Variants in CNIH3 observed in about 807,000 individuals in gnomAD.
CNIH3 encodes the protein protein cornichon homolog 3.
A neutral mutation model predicts 24.1 loss-of-function variants in CNIH3; 14 were observed. That is an observed-to-expected ratio of 0.58 (90% CI 0.38 to 0.91). CNIH3 has a LOEUF of 0.91. Ranked by LOEUF, CNIH3 falls within the 40% of genes least tolerant of loss-of-function variation. CNIH3 has a pLI of 0.00. For synonymous variants in CNIH3, 68 were observed against 73.8 expected (o/e 0.92, Z 0.40); for missense variants, 178 against 196.8 (o/e 0.90, Z 0.57).
intron 3 of CNIH3, among the ~76,000 whole-genome samples, chr1:224,691,128 C>T (rs1422097707): frequency 1.3e-5 from 2 of 152,172 alleles, no homozygotes; most frequent in African/African-American, 4.8e-5. Flanking sequence ...GCTTCCTTAC[C>T]CTCCCCTCTC....
intron 3 of CNIH3, among the ~76,000 whole-genome samples, chr1:224,551,620 A>G (rs10916635): frequency 0.17 from 26,010 of 152,060 alleles, 2,410 homozygotes; most frequent in South Asian, 0.36. Context: ...GTGTGTAAAC[A>G]CTAGATATTA....
chr1:224,483,450 G>A lies in CNIH3; in HGVS notation n.204-32291G>A, dbSNP rs118132672. Among the ~76,000 whole-genome samples, 193 of 151,502 alleles carry A rather than the reference G, an allele frequency of 1.3e-3. 3 individuals are homozygous for A. The East Asian group carries it at 0.028, about 22-fold the overall frequency. On this transcript the variant is annotated intron_variant and non_coding_transcript_variant, in intron 1 of 5. Transcript: ENST00000471578. ...GTTGTCCACGCTGGAATGCAGTGGC[G>A]TAATCTTGGCTCACCGCAACCTCCG...
intron 4 of CNIH3, among the ~76,000 whole-genome samples, chr1:224,734,073 C>G (rs1689472733): frequency 6.6e-6 from 1 of 152,232 alleles, no homozygotes; most frequent in South Asian, 2.1e-4. Flanking sequence ...TTTTTGAGTT[C>G]TAGGTCCCAC....
At chr1:224,457,264 CCTCT>C (rs71755086) in intron 1 of CNIH3, among the ~76,000 whole-genome samples, 6,944 of 108,486 alleles carry the variant, frequency 0.064, 244 homozygotes, top group African/African-American at 0.11. Context: ...GCTGAGCCCT[CCTCT>C]CTCTCTCTGT....
At chr1:224,475,140 C>T (rs1418748877) in intron 1 of CNIH3, among the ~76,000 whole-genome samples, 3 of 147,880 alleles carry the variant, frequency 2.0e-5, no homozygotes, top group South Asian at 4.3e-4. Context: ...GGGCGGATCA[C>T]GGTCAGGAGA....
At chr1:224,483,700 T>C (rs1468061085) in intron 1 of CNIH3, among the ~76,000 whole-genome samples, 1 of 151,868 alleles carries the variant, frequency 6.6e-6, no homozygotes, top group Non-Finnish European at 1.5e-5. Flanking sequence ...ACCCGGCTGA[T>C]TTTTGGTTCT....
chr1:224,733,038 C>G (rs1179727262), intron 4 of CNIH3, among the ~76,000 whole-genome samples: 1 of 152,160 alleles, frequency 6.6e-6, no homozygotes, highest in Non-Finnish European at 1.5e-5. Flanking sequence ...TCCTTCCCAA[C>G]AGGTCCAGAC....
intron 1 of CNIH3, among the ~76,000 whole-genome samples, chr1:224,469,561 G>A (rs900370500): frequency 4.6e-5 from 7 of 152,228 alleles, no homozygotes; most frequent in South Asian, 4.1e-4. Flanking sequence ...AGACTGGAGC[G>A]CAGTGGTGCA....
At chr1:224,675,033 G>A in intron 1 of CNIH3, among the ~76,000 whole-genome samples, 1 of 152,096 alleles carries the variant, frequency 6.6e-6, no homozygotes, top group Non-Finnish European at 1.5e-5. Flanking sequence ...TATGCCTCTT[G>A]GGGAAGAACA....
intron 1 of CNIH3, among the ~76,000 whole-genome samples, chr1:224,676,285 T>A (rs1686136209): frequency 6.6e-6 from 1 of 152,174 alleles, no homozygotes. Flanking sequence ...TTTATGTGAC[T>A]TTCTGGAGAA....
intron 3 of CNIH3, among the ~76,000 whole-genome samples, chr1:224,710,805 C>T (rs958830333): frequency 6.6e-6 from 1 of 152,212 alleles, no homozygotes; most frequent in African/African-American, 2.4e-5. Context: ...CTTTACATTT[C>T]AGCTCAAGTG....
downstream of CNIH3, among the ~76,000 whole-genome samples, chr1:224,539,773 T>A (rs1558142995): frequency 6.6e-6 from 1 of 152,242 alleles, no homozygotes; most frequent in East Asian, 1.9e-4. Context: ...TAGTTAGAAC[T>A]AATCATTCCC....
chr1:224,440,052 T>C (rs1375952409), intron 1 of CNIH3, among the ~76,000 whole-genome samples: 1 of 152,178 alleles, frequency 6.6e-6, no homozygotes, highest in Non-Finnish European at 1.5e-5. Context: ...CCTCCCAAAG[T>C]GTTGGGATTA....
intron 3 of CNIH3, chr1:224,566,167 A>G (rs1680573407): frequency 1.3e-5 from 2 of 152,148 alleles, no homozygotes; most frequent in South Asian, 4.1e-4. Context: ...GAATGAAGTG[A>G]TAAAACCTTG....
intron 4 of CNIH3, among the ~76,000 whole-genome samples, chr1:224,578,134 C>G (rs538107126): frequency 2.0e-5 from 3 of 151,890 alleles, no homozygotes; most frequent in Non-Finnish European, 4.4e-5. Flanking sequence ...TTCCATGCAC[C>G]CAGACACCAC....
intron 1 of CNIH3, among the ~76,000 whole-genome samples, chr1:224,624,152 G>T (rs895426822): frequency 6.6e-6 from 1 of 152,094 alleles, no homozygotes; most frequent in Admixed American, 6.5e-5. Context: ...TTGTGCCCCC[G>T]CCCCTTCTCA....
downstream of CNIH3, among the ~76,000 whole-genome samples, chr1:224,538,445 G>A (rs1017101387): frequency 6.6e-6 from 1 of 152,120 alleles, no homozygotes; most frequent in Non-Finnish European, 1.5e-5. Flanking sequence ...GAGAGACCCT[G>A]TTTAAGTCCT....
chr1:224,696,784 G>A (rs1473157355), intron 3 of CNIH3, among the ~76,000 whole-genome samples: 1 of 152,124 alleles, frequency 6.6e-6, no homozygotes, highest in African/African-American at 2.4e-5. Context: ...GTGTGTGTGT[G>A]TGTGTGTGTG....
chr1:224,536,599 T>A (rs1679296997), intron 2 of CNIH3, among the ~76,000 whole-genome samples: 1 of 152,036 alleles, frequency 6.6e-6, no homozygotes, highest in Non-Finnish European at 1.5e-5. Flanking sequence ...CCCATAATTG[T>A]TTTAATTGTG....
Sources: allele counts gnomAD v4.1 joint callset (sites outside exome capture counted in the v4.1 genomes callset), GRCh38; gene constraint gnomAD v4.1.1; transcripts MANE v1.5; gene names NCBI Gene and HGNC (gene_info 2026-07-23, HGNC 2026-07-21).